The following P2RY8 variants were observed in gnomAD, a reference collection of about 807,000 sequenced individuals.
P2RY8 encodes the protein S-geranylgeranyl-glutathione receptor P2RY8.
In P2RY8, 6 loss-of-function variants were observed where a neutral mutation model predicts 10.0. That is an observed-to-expected ratio of 0.60 (90% CI 0.33 to 1.19). The LOEUF (loss-of-function observed/expected upper bound fraction) is 1.19, where lower values mean the gene tolerates loss of function less well. Among genes scored for constraint, P2RY8 ranks in the 50% most tolerant of loss-of-function variants. P2RY8 has a pLI of 0.04. For synonymous variants in P2RY8, 276 were observed against 252.5 expected, an observed-to-expected ratio of 1.09 and a Z score of -0.88; for missense variants, 456 against 542.0, an observed-to-expected ratio of 0.84 and a Z score of 1.58.
At chrX:1,516,261 CCTT>C (rs1202790683) in intron 1 of P2RY8, among the ~76,000 whole-genome samples, 14 of 145,180 alleles carry the variant, frequency 9.6e-5, no homozygotes, top group Non-Finnish European at 6.0e-5. Flanking sequence ...CGTACTCCCT[CCTT>C]CTCTCCCTCC....
In P2RY8 at chrX:1,465,028, C is replaced by T. The variant is rs1430876672; in HGVS notation, c.*451G>A. 3.1e-5 allele frequency: 8 copies of T among 256,916 alleles called. No homozygotes were observed. Among genetic ancestry groups the T allele is most frequent in the Non-Finnish European group, 4.5e-5 (6 of 132,910 alleles). 15.9% of individuals were successfully genotyped at this position (256,916 alleles called of 1,614,324 possible). A position where few individuals can be genotyped will look rare whatever the true frequency, so the allele number is the denominator to read the frequency against. ...AGCTGGGAATGGGGCTCGCAGTTCG[C>T]CCACGGAGGATATCCAGAAACCGAG... On this transcript the variant is annotated 3_prime_UTR_variant, in exon 2 of 2. Coordinates refer to ENST00000381297, the MANE Select transcript of P2RY8 (RefSeq NM_178129.5).
At chrX:1,534,895 G>A (rs1384454761) in intron 1 of P2RY8, among the ~76,000 whole-genome samples, 2 of 152,034 alleles carry the variant, frequency 1.3e-5, no homozygotes, top group African/African-American at 4.8e-5. Context: ...GTTCTCCAAG[G>A]GGACCTCACC....
chrX:1,522,380 C>A (rs1213515864), intron 1 of P2RY8, among the ~76,000 whole-genome samples: 3 of 152,096 alleles, frequency 2.0e-5, no homozygotes, highest in African/African-American at 7.2e-5. Flanking sequence ...GATGTAGTTT[C>A]AGAATATTTT....
In P2RY8 at chrX:1,495,846, G is replaced by A. The variant is rs1219623245; in HGVS notation, c.-24-29264C>T. ...GTTGTGTATAAGCCCCCCAGTCTAC[G>A]GTATTCTGTGACAGCAGCCTGAGAT... On this transcript the variant is annotated intron_variant, in intron 1 of 1. Coordinates refer to ENST00000381297, the MANE Select transcript of P2RY8 (RefSeq NM_178129.5). 1.1e-4 allele frequency among the ~76,000 whole-genome samples: 12 copies of A among 113,448 alleles called. 1 individual carries two copies. Among genetic ancestry groups the A allele is most frequent in the Non-Finnish European group, 2.0e-4 (10 of 50,704 alleles). The allele number at this position is 113,448 out of a possible 152,430, so 74.4% of individuals were successfully genotyped here.
chrX:1,520,783 A>G (rs141994099), intron 1 of P2RY8, among the ~76,000 whole-genome samples: 4 of 151,758 alleles, frequency 2.6e-5, no homozygotes, highest in Non-Finnish European at 5.9e-5. Context: ...CTGATCCCCA[A>G]TAATCTCCCT....
At chrX:1,499,997 T>C (rs5989772) in intron 1 of P2RY8, among the ~76,000 whole-genome samples, 43,849 of 92,376 alleles carry the variant, frequency 0.47, 15,010 homozygotes, top group East Asian at 0.77. Context: ...TAGCTGGGAC[T>C]ACAGGCGTGT....
chrX:1,524,741 G>C (rs867456636), intron 1 of P2RY8, among the ~76,000 whole-genome samples: 239 of 61,146 alleles, frequency 3.9e-3, no homozygotes, highest in African/African-American at 7.2e-3. Flanking sequence ...ATACATCCAT[G>C]CATCCATCCA....
At chrX:1,514,348 CCCTTTTATTTTCCTTT>C in intron 1 of P2RY8, among the ~76,000 whole-genome samples, 4 of 145,490 alleles carry the variant, frequency 2.7e-5, no homozygotes, top group African/African-American at 1.1e-4. Context: ...TCCTTCCCTT[CCCTTTTATTTTCCTTT>C]TCCTTTTCCT....
chrX:1,525,274 A>G (rs1306135394), intron 1 of P2RY8, among the ~76,000 whole-genome samples: 4 of 152,240 alleles, frequency 2.6e-5, no homozygotes, highest in African/African-American at 7.2e-5. Flanking sequence ...ATAGGACCTT[A>G]TTTGGAAATA....
intron 1 of P2RY8, among the ~76,000 whole-genome samples, chrX:1,523,150 T>G (rs2092405491): frequency 6.6e-6 from 1 of 151,250 alleles, no homozygotes; most frequent in South Asian, 2.1e-4. Flanking sequence ...AAAAAAAAGA[T>G]ATAGCAAATA....
chrX:1,484,543 G>A (rs1166609917), intron 1 of P2RY8, among the ~76,000 whole-genome samples: 1 of 151,574 alleles, frequency 6.6e-6, no homozygotes, highest in Non-Finnish European at 1.5e-5. Context: ...TGGTCAACAA[G>A]GCAAAGCCTC....
rs112127563 is a variant in P2RY8, at chrX:1,506,919, G to A, written c.-25+30002C>T. The stretch of plus-strand genomic sequence containing the variant: ...TCTCGATCTCCTGACCTCGTGATCC[G>A]CCCACCTAGGCCTCCCAAAGTGCTG... On this transcript the variant is annotated intron_variant, in intron 1 of 1. Coordinates refer to ENST00000381297, the MANE Select transcript of P2RY8 (RefSeq NM_178129.5). Among the ~76,000 whole-genome samples the A allele has an allele frequency of 5.5e-3, 829 of 151,922 alleles. 3 individuals carry two copies. The highest frequency in any genetic ancestry group is 9.2e-3 in the Admixed American group (141 of 15,244).
chrX:1,511,595 C>T (rs757064793), intron 1 of P2RY8, among the ~76,000 whole-genome samples: 1 of 152,330 alleles, frequency 6.6e-6, no homozygotes, highest in South Asian at 2.1e-4. Flanking sequence ...TCACAGCCCA[C>T]TGCAGCCTCC....
intron 1 of P2RY8, among the ~76,000 whole-genome samples, chrX:1,517,163 T>C (rs1476394908): frequency 2.8e-5 from 4 of 143,368 alleles, no homozygotes; most frequent in Non-Finnish European, 6.2e-5. Context: ...TGTCTCTTGT[T>C]TCTAAGCCAC....
At chrX:1,535,718 CACACACACAG>C (rs557638801) in intron 1 of P2RY8, among the ~76,000 whole-genome samples, 10,319 of 73,136 alleles carry the variant, frequency 0.14, 440 homozygotes, top group Middle Eastern at 0.3. Context: ...CACACACAGA[CACACACACAG>C]ACACACACAC....
At chrX:1,535,336 C>A (rs1346227818) in intron 1 of P2RY8, among the ~76,000 whole-genome samples, 1 of 151,244 alleles carries the variant, frequency 6.6e-6, no homozygotes, top group Non-Finnish European at 1.5e-5. Flanking sequence ...GACAGGTGCC[C>A]GCCGCCACAC....
chrX:1,524,160 G>A (rs2092412525), intron 1 of P2RY8, among the ~76,000 whole-genome samples: 1 of 152,098 alleles, frequency 6.6e-6, no homozygotes, highest in East Asian at 1.9e-4. Flanking sequence ...GGGTAGAATT[G>A]GGTCTTGTAC....
At chrX:1,487,133 G>A (rs1350989355) in intron 1 of P2RY8, among the ~76,000 whole-genome samples, 3 of 152,188 alleles carry the variant, frequency 2.0e-5, no homozygotes, top group Non-Finnish European at 4.4e-5. Flanking sequence ...TGGAGGGGAA[G>A]CAGTGGCCAC....
chrX:1,510,756 G>A (rs2092292937), intron 1 of P2RY8, among the ~76,000 whole-genome samples: 1 of 152,150 alleles, frequency 6.6e-6, no homozygotes, highest in Non-Finnish European at 1.5e-5. Context: ...GCGTGCACCT[G>A]TAATCCAAGC....
Sources: allele counts gnomAD v4.1 joint callset (sites outside exome capture counted in the v4.1 genomes callset), GRCh38; gene constraint gnomAD v4.1.1; transcripts MANE v1.5; gene names NCBI Gene and HGNC (gene_info 2026-07-23, HGNC 2026-07-21).